Variants in BEND3 observed in about 807,000 individuals in gnomAD.
BEND3 encodes the protein BEN domain containing 3, also known as BEN domain-containing protein 3.
BEND3 carries 13 observed loss-of-function variants against 60.1 expected under a neutral mutation model. The ratio of observed to expected loss-of-function variants is 0.22; its 90% confidence interval spans 0.14 to 0.34. BEND3 has a LOEUF of 0.34. BEND3 is among the 10% of genes least tolerant of loss of function. The probability of loss-of-function intolerance (pLI) is 1.00; values close to 1 mark genes in which losing one functional copy is unlikely to be tolerated. For synonymous variants in BEND3, 497 were observed against 491.5 expected, an observed-to-expected ratio of 1.01 and a Z score of -0.15; for missense variants, 896 against 1,138.1, an observed-to-expected ratio of 0.79 and a Z score of 3.06.
At chr6:107,091,982 C>G (rs1329631242) in intron 3 of BEND3, among the ~76,000 whole-genome samples, 2 of 152,170 alleles carry the variant, frequency 1.3e-5, no homozygotes, top group Non-Finnish European at 2.9e-5. Flanking sequence ...TGAGGCCAGG[C>G]ATGGTGGCTC....
Position 107,090,566 on chromosome 6 carries a change from A to G in BEND3, c.240+7985T>C, listed in dbSNP as rs140506131. On this transcript the variant is annotated intron_variant, in intron 3 of 3. Coordinates refer to ENST00000369042, the MANE Select transcript of BEND3 (RefSeq NM_001367314.1). ...AATAATAGCAACAATGTAGTCAACT[A>G]TATATGCTTGTGTGTGTGCACGCGC... 4.2e-4 allele frequency among the ~76,000 whole-genome samples: 64 copies of G among 152,334 alleles called. 2 individuals are homozygous for G. Among genetic ancestry groups the G allele is most frequent in the African/African-American group, 1.5e-3 (64 of 41,586 alleles).
At chr6:107,080,354 C>CA (rs11402351) in intron 3 of BEND3, among the ~76,000 whole-genome samples, 3,532 of 82,912 alleles carry the variant, frequency 0.043, 290 homozygotes, top group Non-Finnish European at 0.052. Context: ...GATCCCATCT[C>CA]AAAAAAAAAA....
intron 3 of BEND3, among the ~76,000 whole-genome samples, chr6:107,094,106 C>T (rs890377238): frequency 1.3e-5 from 2 of 152,194 alleles, no homozygotes; most frequent in Non-Finnish European, 2.9e-5. Flanking sequence ...TGTGGTGGCT[C>T]AAGCCTGTAA....
Position 107,112,776 on chromosome 6 carries a change from C to T in BEND3, c.-12+2314G>A, listed in dbSNP as rs186331480. On this transcript the variant is annotated intron_variant, in intron 1 of 3. Transcript: ENST00000369042. ...GCTGAGGCAGGAGAATCACTTGAAC[C>T]CAGGAGGCAGAGGTTGCGGTGAGCC... 1.0e-3 allele frequency among the ~76,000 whole-genome samples: 155 copies of T among 151,174 alleles called. 1 individual carries two copies. The highest frequency in any genetic ancestry group is 1.7e-3 in the Non-Finnish European group (117 of 67,824).
chr6:107,107,136 C>T (rs1240024337), intron 1 of BEND3, among the ~76,000 whole-genome samples: 1 of 151,850 alleles, frequency 6.6e-6, no homozygotes, highest in Non-Finnish European at 1.5e-5. Context: ...AGAGTTTCAC[C>T]ATGTTGGCCC....
chr6:107,114,086 A>G (rs1386180770), intron 1 of BEND3: 1 of 152,268 alleles, frequency 6.6e-6, no homozygotes, highest in Non-Finnish European at 1.5e-5. Context: ...TGAGCAATCA[A>G]TAAAACTTTT....
intron 3 of BEND3, among the ~76,000 whole-genome samples, chr6:107,072,210 G>A (rs543860321): frequency 6.6e-6 from 1 of 152,312 alleles, no homozygotes; most frequent in South Asian, 2.1e-4. Flanking sequence ...AGAACAAACG[G>A]CATCCTGGGG....
At chr6:107,071,314 G>A (rs1458907645) in intron 3 of BEND3, among the ~76,000 whole-genome samples, 7 of 152,218 alleles carry the variant, frequency 4.6e-5, no homozygotes, top group Admixed American at 3.9e-4. Flanking sequence ...GGAAGGCAAC[G>A]GGCTTGTGCA....
At position 107,099,112 on chromosome 6, in the gene BEND3, G is replaced by A. The variant is rs1775651226; in HGVS notation, c.37+137C>T. On this transcript the variant is annotated intron_variant, in intron 2 of 3. Transcript: ENST00000369042. ...ACAAGTGTGTGGGTGGAGGGGGATG[G>A]GAACCGGGGAACAAGTGTGTGGGTG... 5.8e-6 allele frequency: 4 copies of A among 695,414 alleles called. No individual in the cohort carries two copies. The Admixed American group carries it at 8.2e-5, about 14-fold the overall frequency. The allele number at this position is 695,414 out of a possible 1,614,324, so 43.1% of individuals were successfully genotyped here.
rs1554231572 is a variant in BEND3 at position 107,069,713 on chromosome 6, G to A, written c.1478C>T (p.Pro493Leu). The change falls in exon 4 of 4, where the codon CCC becomes CTC. Residue 493 changes from proline (P) to leucine (L), a missense_variant. By Grantham distance (98) the Pro-to-Leu change is moderately conservative. Around this residue, in one of 4 missense-constraint regions of BEND3, gnomAD observed 846 missense variants for 1,036.7 expected, o/e 0.82. Coordinates refer to ENST00000369042, the MANE Select transcript of BEND3 (RefSeq NM_001367314.1). The stretch of plus-strand genomic sequence containing the variant: ...GGAGTCGTAGCAGTCATCACGCGGG[G>A]GGTCGCCTTCACTGCCCGCGTCCAG... ...LGLDAGSEGD[P>L]PRDDCYDSSS... The A allele has an allele frequency of 6.2e-7, 1 of 1,610,688 alleles. No homozygotes were observed.
chr6:107,093,672 C>T (rs370422387), intron 3 of BEND3, among the ~76,000 whole-genome samples: 1 of 152,140 alleles, frequency 6.6e-6, no homozygotes, highest in Non-Finnish European at 1.5e-5. Context: ...TTTTACTGGA[C>T]CAAACTGGAC....
rs551388015 is a variant in BEND3, at chr6:107,108,868, C to T, written c.-12+6222G>A. ...TTGCCCAGGATGGAGTGCAGTGGTG[C>T]GACCTCGGCTCTCTGCAACTCTGCA... On this transcript the variant is annotated intron_variant, in intron 1 of 3. Transcript: ENST00000369042. Among the ~76,000 whole-genome samples the T allele has an allele frequency of 3.9e-5, 6 of 152,206 alleles. 1 individual carries two copies. The South Asian group carries it at 6.2e-4, about 16-fold the overall frequency.
In BEND3 at chr6:107,069,828, T is replaced by C. The variant is rs782690060; in HGVS notation, c.1363A>G (p.Thr455Ala). Residue 455 changes from threonine (T) to alanine (A), a missense_variant, in exon 4 of 4, where the codon ACG (threonine) becomes GCG (alanine). This residue lies in a region of BEND3 where 846 missense variants were observed against 1,036.7 expected (regional missense o/e 0.82). Coordinates refer to ENST00000369042, the MANE Select transcript of BEND3 (RefSeq NM_001367314.1). ...TGCATGTCAGGGAAGTAGATCTCCG[T>C]GTAGTTGCGGATGATCTGCAGCCGC... is the stretch of plus-strand genomic sequence containing the variant. The part of the protein sequence containing the change: ...PQRLQIIRNY[T>A]EIYFPDMQEE... The C allele has an allele frequency of 4.3e-6, 7 of 1,613,226 alleles. No homozygotes were observed. Among genetic ancestry groups the C allele is most frequent in the Non-Finnish European group, 5.9e-6 (7 of 1,179,910 alleles).
Position 107,069,694 on chromosome 6 carries a change from G to A in BEND3, c.1497C>T (p.Tyr499=), listed in dbSNP as rs576232736. The A allele has an allele frequency of 3.4e-5, 55 of 1,609,888 alleles. No homozygotes were observed. The highest frequency in any genetic ancestry group is 2.1e-4 in the African/African-American group (16 of 75,046). Residue 499 remains tyrosine (Y), a synonymous_variant, in exon 4 of 4, where the codon TAC becomes TAT. Coordinates refer to ENST00000369042, the MANE Select transcript of BEND3 (RefSeq NM_001367314.1). The part of the protein sequence containing the change: ...SEGDPPRDDC[Y]DSSSLPDDIS... ...TGTCGTCGGGCAGACTGGAGGAGTC[G>A]TAGCAGTCATCACGCGGGGGGTCGC...
At chr6:107,090,032 G>A (rs1438738853) in intron 3 of BEND3, among the ~76,000 whole-genome samples, 1 of 151,878 alleles carries the variant, frequency 6.6e-6, no homozygotes, top group Non-Finnish European at 1.5e-5. Flanking sequence ...AAAATTGAAG[G>A]AATCACATTA....
At position 107,113,461 on chromosome 6, in the gene BEND3, A is replaced by C. The variant is rs960821753; in HGVS notation, c.-12+1629T>G. Reference sequence around the variant, plus strand: ...TCAAAAAAAAAAAAAAAACAAAAAAAAAACTCATGTTCCATGACAGGAGGT... The same window carrying C: ...TCAAAAAAAAAAAAAAAACAAAAAACAAACTCATGTTCCATGACAGGAGGT... On this transcript the variant is annotated intron_variant, in intron 1 of 3. Coordinates refer to ENST00000369042, the MANE Select transcript of BEND3 (RefSeq NM_001367314.1). 6.2e-5 allele frequency among the ~76,000 whole-genome samples: 9 copies of C among 145,608 alleles called. No homozygotes were observed. The South Asian group carries it at 1.1e-3, about 18-fold the overall frequency.
intron 1 of BEND3, among the ~76,000 whole-genome samples, chr6:107,101,511 G>A (rs555227630): frequency 6.6e-6 from 1 of 152,276 alleles, no homozygotes; most frequent in South Asian, 2.1e-4. Flanking sequence ...CTAATTTTCA[G>A]AGGAATGAAA....
intron 1 of BEND3, among the ~76,000 whole-genome samples, chr6:107,108,232 C>T (rs782467075): frequency 6.0e-4 from 92 of 152,306 alleles, no homozygotes; most frequent in African/African-American, 2.0e-3. Flanking sequence ...ACCCTGCCCG[C>T]GCGCCTGTGA....
chr6:107,069,554 A>G lies in BEND3; in HGVS notation c.1637T>C (p.Phe546Ser). The G allele has an allele frequency of 6.2e-7, 1 of 1,613,224 alleles. No homozygotes were observed. The highest frequency in any genetic ancestry group is 8.5e-7 in the Non-Finnish European group (1 of 1,180,030). Residue 546 changes from phenylalanine to serine, a missense_variant, in exon 4 of 4, where the codon TTC becomes TCC. By Grantham distance (155) the Phe-to-Ser change is radical. This residue lies in a region of BEND3 where 846 missense variants were observed against 1,036.7 expected (regional missense o/e 0.82). Coordinates refer to ENST00000369042, the MANE Select transcript of BEND3 (RefSeq NM_001367314.1). ...FDKLEIPQPDFEVPGADCLLS... is the reference protein window; with the variant it reads ...FDKLEIPQPDSEVPGADCLLS... ...CAGGCAGTCGGCACCGGGCACCTCG[A>G]AGTCAGGCTGGGGGATCTCTAACTT... is the stretch of plus-strand genomic sequence containing the variant.
Sources: gnomAD v4.1 joint callset for allele counts (sites outside exome capture counted in the v4.1 genomes callset) on GRCh38, gnomAD v4.1.1 for gene constraint, gnomAD v4.1.1 regional missense constraint, MANE v1.5 for transcripts, NCBI Gene and HGNC (gene_info 2026-07-23, HGNC 2026-07-21) for gene names.